Variants in RAB30 observed in about 807,000 individuals in gnomAD.
RAB30 encodes the protein ras-related protein Rab-30.
RAB30 carries 9 observed loss-of-function variants against 25.1 expected under a neutral mutation model. That is an observed-to-expected ratio of 0.36 (90% CI 0.22 to 0.63). The LOEUF (loss-of-function observed/expected upper bound fraction) is 0.63, where lower values mean the gene tolerates loss of function less well. Ranked by LOEUF, RAB30 falls within the 20% of genes least tolerant of loss-of-function variation. The probability of loss-of-function intolerance (pLI) is 0.69; values close to 1 mark genes in which losing one functional copy is unlikely to be tolerated. For synonymous variants in RAB30, 77 were observed against 86.4 expected, an observed-to-expected ratio of 0.89 and a Z score of 0.60; for missense variants, 140 against 243.5, an observed-to-expected ratio of 0.58 and a Z score of 2.83.
At chr11:83,008,300 A>AC (rs1419235563) in intron 1 of RAB30, among the ~76,000 whole-genome samples, 3 of 152,100 alleles carry the variant, frequency 2.0e-5, no homozygotes, top group Non-Finnish European at 4.4e-5. Context: ...ACTAGGCTGG[A>AC]CCCCTCCTTC....
intron 1 of RAB30, among the ~76,000 whole-genome samples, chr11:83,000,704 C>T (rs972077305): frequency 4.6e-5 from 7 of 152,148 alleles, no homozygotes; most frequent in Admixed American, 1.3e-4. Flanking sequence ...AAACAGGGCT[C>T]TTAAAGAAAG....
chr11:83,066,200 C>A (rs946141276), intron 1 of RAB30, among the ~76,000 whole-genome samples: 1 of 152,170 alleles, frequency 6.6e-6, no homozygotes, highest in Non-Finnish European at 1.5e-5. Context: ...AATTATTACA[C>A]TATTCTGATG....
At chr11:82,997,990 C>T (rs980257448) in intron 1 of RAB30, among the ~76,000 whole-genome samples, 1 of 152,168 alleles carries the variant, frequency 6.6e-6, no homozygotes, top group African/African-American at 2.4e-5. Context: ...CTCCCTTCCA[C>T]CCCTTCTGCA....
intron 1 of RAB30, among the ~76,000 whole-genome samples, chr11:83,028,119 A>G (rs888321204): frequency 6.6e-6 from 1 of 152,216 alleles, no homozygotes; most frequent in Non-Finnish European, 1.5e-5. Flanking sequence ...TACCATTAAT[A>G]TTCTCACAAA....
intron 1 of RAB30, among the ~76,000 whole-genome samples, chr11:83,029,650 C>T (rs1857807032): frequency 6.6e-6 from 1 of 152,140 alleles, no homozygotes; most frequent in African/African-American, 2.4e-5. Context: ...TATTCATCTT[C>T]TTACATTATA....
At chr11:83,028,264 T>C (rs1857772640) in intron 1 of RAB30, among the ~76,000 whole-genome samples, 1 of 151,976 alleles carries the variant, frequency 6.6e-6, no homozygotes, top group Non-Finnish European at 1.5e-5. Context: ...GATTGAATGA[T>C]AAAATCGAAA....
chr11:82,993,960 A>G lies in RAB30; in HGVS notation c.177+79T>C, dbSNP rs764271950. 6.8e-5 allele frequency: 78 copies of G among 1,142,356 alleles called. No individual in the cohort carries two copies. The African/African-American group carries it at 1.1e-3, about 16-fold the overall frequency. 70.8% of individuals were successfully genotyped at this position (1,142,356 alleles called of 1,614,324 possible). The stretch of plus-strand genomic sequence containing the variant: ...ATGTGGGTTTCAATTAGGAGATTTA[A>G]TAAATGGTTATGAAAGCAGTACTTC... On this transcript the variant is annotated intron_variant, in intron 3 of 4. Transcript: ENST00000527633.
chr11:83,040,513 C>T (rs532276359), intron 1 of RAB30, among the ~76,000 whole-genome samples: 11 of 151,404 alleles, frequency 7.3e-5, no homozygotes, highest in African/African-American at 2.7e-4. Flanking sequence ...ATTGCTTGAA[C>T]CTGGGAGGCG....
chr11:83,009,264 C>A (rs1857254801), intron 1 of RAB30, among the ~76,000 whole-genome samples: 1 of 152,112 alleles, frequency 6.6e-6, no homozygotes, highest in East Asian at 1.9e-4. Context: ...CTGGGTTTCA[C>A]CATGTTCGCC....
chr11:83,033,885 AACC>A (rs2121514110), intron 1 of RAB30, among the ~76,000 whole-genome samples: 1 of 149,892 alleles, frequency 6.7e-6, no homozygotes, highest in African/African-American at 2.5e-5. Context: ...ATGAAAAAAA[AACC>A]AAACAAACAA....
Position 83,031,503 on chromosome 11 carries a change from G to A in RAB30, c.-8-34179C>T, listed in dbSNP as rs538240471. 6.3e-4 allele frequency among the ~76,000 whole-genome samples: 95 copies of A among 150,864 alleles called. 2 individuals carry two copies. The highest frequency in any genetic ancestry group is 2.0e-3 in the African/African-American group (84 of 41,042). ...GTCAACATTTGGGTAAGAATATTCC[G>A]TAAGTGGTTCTGCGTATTCTTTTTT... On this transcript the variant is annotated intron_variant, in intron 1 of 4. Transcript: ENST00000527633.
chr11:83,049,379 C>G (rs1273080371), intron 1 of RAB30, among the ~76,000 whole-genome samples: 4 of 149,870 alleles, frequency 2.7e-5, no homozygotes, highest in African/African-American at 9.8e-5. Context: ...CCACTGCACT[C>G]CAGCCTGGCA....
At chr11:82,990,613 A>G (rs1186020242) in intron 3 of RAB30, among the ~76,000 whole-genome samples, 1 of 152,230 alleles carries the variant, frequency 6.6e-6, no homozygotes, top group Non-Finnish European at 1.5e-5. Flanking sequence ...ATCAACATAG[A>G]TCTGACTGGA....
intron 3 of RAB30, among the ~76,000 whole-genome samples, chr11:82,991,261 G>C (rs1017979931): frequency 6.6e-6 from 1 of 152,084 alleles, no homozygotes; most frequent in African/African-American, 2.4e-5. Flanking sequence ...TCCCAGCACT[G>C]TGGGAGGCTG....
At chr11:83,008,300 A>C (rs1857229804) in intron 1 of RAB30, among the ~76,000 whole-genome samples, 1 of 152,100 alleles carries the variant, frequency 6.6e-6, no homozygotes, top group Non-Finnish European at 1.5e-5. Flanking sequence ...ACTAGGCTGG[A>C]CCCCTCCTTC....
chr11:83,060,139 T>G (rs35020398), intron 1 of RAB30: 32,458 of 151,378 alleles, frequency 0.21, 4,183 homozygotes, highest in Admixed American at 0.28. Context: ...GAGGCGGAGG[T>G]TGCCGTGAGC....
chr11:83,014,692 AAGAG>A (rs1367911133), intron 1 of RAB30, among the ~76,000 whole-genome samples: 4 of 138,550 alleles, frequency 2.9e-5, no homozygotes, highest in Non-Finnish European at 6.3e-5. Flanking sequence ...GAAAGAAAGA[AAGAG>A]AAAGGAAGGA....
chr11:83,009,297 C>T (rs537049755), intron 1 of RAB30, among the ~76,000 whole-genome samples: 2 of 152,278 alleles, frequency 1.3e-5, no homozygotes, highest in African/African-American at 4.8e-5. Flanking sequence ...AACTTCTGAC[C>T]TCAGGCAATC....
rs1321449210 is a variant in RAB30, at chr11:82,998,402, C to A, written c.-8-1078G>T. Among the ~76,000 whole-genome samples the A allele has an allele frequency of 2.0e-5, 3 of 152,006 alleles. No homozygotes were observed. The East Asian group carries it at 5.8e-4, about 29-fold the overall frequency. On this transcript the variant is annotated intron_variant, in intron 1 of 4. Coordinates refer to ENST00000527633, the MANE Select transcript of RAB30 (RefSeq NM_001286060.2). The stretch of plus-strand genomic sequence containing the variant: ...ACAAAAGAACCTTATACAAAAATTA[C>A]CCAGGTGTGGTGGCGTGCCCCTGTA...
Sources: gnomAD v4.1 joint callset for allele counts (sites outside exome capture counted in the v4.1 genomes callset) on GRCh38, gnomAD v4.1.1 for gene constraint, MANE v1.5 for transcripts, NCBI Gene and HGNC (gene_info 2026-07-23, HGNC 2026-07-21) for gene names.